ASIC2: variants seen among roughly 807,000 people sequenced by gnomAD.
The protein encoded by ASIC2 is acid sensing ion channel subunit 2, also known as acid-sensing ion channel 2.
In ASIC2, 25 loss-of-function variants were observed where a neutral mutation model predicts 57.3. That is an observed-to-expected ratio of 0.44 (90% confidence interval 0.32 to 0.61). ASIC2 has a LOEUF of 0.61. Among genes scored for constraint, ASIC2 ranks in the 20% least tolerant of loss-of-function variants. The pLI is 0.06. For synonymous variants in ASIC2, 319 were observed against 307.5 expected (o/e 1.04, Z -0.39); for missense variants, 641 against 738.1 (o/e 0.87, Z 1.52).
At chr17:34,099,455 AAAGAAAG>A (rs1437414245) in intron 1 of ASIC2, among the ~76,000 whole-genome samples, 2 of 42,918 alleles carry the variant, frequency 4.7e-5, no homozygotes, top group Middle Eastern at 0.036. Flanking sequence ...GAAAGAAAGA[AAAGAAAG>A]AAAGAGAGAG....
chr17:33,493,533 A>G (rs1167823766), intron 1 of ASIC2, among the ~76,000 whole-genome samples: 2 of 151,690 alleles, frequency 1.3e-5, no homozygotes, highest in African/African-American at 4.9e-5. Context: ...TCTTTCTCTC[A>G]TTCTTTCTTG....
chr17:34,122,944 C>A (rs1204435766), intron 1 of ASIC2, among the ~76,000 whole-genome samples: 28 of 152,178 alleles, frequency 1.8e-4, no homozygotes. Context: ...AATAAAATAT[C>A]CAAATCTGAA....
At chr17:33,923,249 G>T (rs1343308613) in intron 1 of ASIC2, among the ~76,000 whole-genome samples, 1 of 152,178 alleles carries the variant, frequency 6.6e-6, no homozygotes, top group Non-Finnish European at 1.5e-5. Flanking sequence ...CAGACCTTCA[G>T]GGCTCCTGGC....
intron 1 of ASIC2, among the ~76,000 whole-genome samples, chr17:34,127,748 G>A (rs1371564938): frequency 1.3e-5 from 2 of 152,300 alleles, no homozygotes; most frequent in East Asian, 3.9e-4. Context: ...CACAAGAAGG[G>A]AGGGCTGAAC....
chr17:33,437,843 C>T (rs1387616169), intron 1 of ASIC2, among the ~76,000 whole-genome samples: 3 of 152,156 alleles, frequency 2.0e-5, no homozygotes, highest in Non-Finnish European at 4.4e-5. Context: ...CATGGAGGAT[C>T]AAGCTTTGGA....
chr17:34,138,162 G>C (rs558851270), intron 1 of ASIC2, among the ~76,000 whole-genome samples: 10 of 152,234 alleles, frequency 6.6e-5, no homozygotes, highest in African/African-American at 2.2e-4. Flanking sequence ...TGAGCTGTGA[G>C]ACCTTGTCAA....
At chr17:33,199,140 G>T (rs193236284) in intron 1 of ASIC2, among the ~76,000 whole-genome samples, 1 of 152,312 alleles carries the variant, frequency 6.6e-6, no homozygotes, top group Non-Finnish European at 1.5e-5. Context: ...TGCACTGTGG[G>T]CTGATAACCA....
At chr17:33,714,985 T>TTTATTATTATTATTATTATTA (rs71364615) in intron 1 of ASIC2, among the ~76,000 whole-genome samples, 5,397 of 142,156 alleles carry the variant, frequency 0.038, 152 homozygotes, top group East Asian at 0.082. Context: ...GCCAGGCTAA[T>TTTATTATTATTATTATTATTA]TTATTATTAT....
intron 3 of ASIC2, among the ~76,000 whole-genome samples, chr17:33,060,510 G>A (rs542883068): frequency 6.4e-4 from 98 of 152,058 alleles, no homozygotes; most frequent in African/African-American, 2.2e-3. Flanking sequence ...GTTCTGTTCC[G>A]TTGGTCTATA....
chr17:33,324,628 G>A (rs774317029), intron 1 of ASIC2, among the ~76,000 whole-genome samples: 4 of 152,058 alleles, frequency 2.6e-5, no homozygotes, highest in Non-Finnish European at 5.9e-5. Flanking sequence ...CCTTCCACTG[G>A]GATATCATTG....
intron 3 of ASIC2, among the ~76,000 whole-genome samples, chr17:33,064,373 C>T (rs1331200960): frequency 6.6e-6 from 1 of 152,218 alleles, no homozygotes; most frequent in Non-Finnish European, 1.5e-5. Context: ...AGTTTTCCTT[C>T]TAACTGTCAG....
At chr17:33,217,474 C>T (rs1346413184) in intron 1 of ASIC2, among the ~76,000 whole-genome samples, 4 of 152,212 alleles carry the variant, frequency 2.6e-5, no homozygotes, top group South Asian at 2.1e-4. Context: ...CCCATCATGA[C>T]ACTTGTTATG....
intron 1 of ASIC2, among the ~76,000 whole-genome samples, chr17:33,334,688 C>G (rs1206937814): frequency 1.3e-5 from 2 of 152,212 alleles, no homozygotes; most frequent in East Asian, 3.8e-4. Flanking sequence ...AGAATGCAAG[C>G]AACTGCTCCT....
intron 1 of ASIC2, among the ~76,000 whole-genome samples, chr17:33,617,308 C>A (rs761912655): frequency 2.8e-4 from 42 of 152,146 alleles, no homozygotes; most frequent in Non-Finnish European, 6.0e-4. Flanking sequence ...CTGTGGAATA[C>A]TACACAGCCA....
chr17:34,115,000 T>C (rs553266924), intron 1 of ASIC2, among the ~76,000 whole-genome samples: 2 of 152,288 alleles, frequency 1.3e-5, no homozygotes, highest in African/African-American at 2.4e-5. Flanking sequence ...AAGGAACCAC[T>C]TGGAACAGAG....
intron 1 of ASIC2, among the ~76,000 whole-genome samples, chr17:33,588,716 G>A (rs138602023): frequency 1.1e-3 from 166 of 152,338 alleles, no homozygotes; most frequent in African/African-American, 3.7e-3. Context: ...GAGAGGGAAG[G>A]TGTTACCTTA....
At chr17:33,026,125 C>A (rs949767928) in intron 4 of ASIC2, 143 bp from the exon 5 acceptor site, 2 of 798,198 alleles carry the variant, frequency 2.5e-6, no homozygotes, top group East Asian at 2.8e-5. Context: ...TCGAAGGGAG[C>A]CTTGGATCAC....
chr17:33,701,303 C>T (rs1908691685), intron 1 of ASIC2, among the ~76,000 whole-genome samples: 1 of 152,074 alleles, frequency 6.6e-6, no homozygotes, highest in East Asian at 1.9e-4. Context: ...ATCTCTTGTT[C>T]GTCTGTTCAA....
chr17:34,017,416 G>A (rs912747086), intron 1 of ASIC2, among the ~76,000 whole-genome samples: 13 of 152,192 alleles, frequency 8.5e-5, no homozygotes, highest in African/African-American at 2.6e-4. Context: ...ATTGAAATTA[G>A]GCTAATTAAG....
Sources: allele counts gnomAD v4.1 joint callset (sites outside exome capture counted in the v4.1 genomes callset), GRCh38; gene constraint gnomAD v4.1.1; transcripts MANE v1.5; gene names NCBI Gene and HGNC (gene_info 2026-07-23, HGNC 2026-07-21).